Variants in KIF17 observed in about 807,000 individuals in gnomAD.
The protein encoded by KIF17 is kinesin-like protein KIF17.
Under a neutral mutation model 96.8 loss-of-function variants are expected in KIF17, and 80 were observed. That is an observed-to-expected ratio of 0.83 (90% confidence interval 0.69 to 1.00). The LOEUF is 1.00. KIF17 is among the 50% of genes least tolerant of loss of function. The pLI is 0.00. For missense variants in KIF17, 1,280 were observed against 1,372.9 expected, an observed-to-expected ratio of 0.93 and a Z score of 1.07; for synonymous variants, 567 against 587.5, an observed-to-expected ratio of 0.97 and a Z score of 0.51.
intron 11 of KIF17, among the ~76,000 whole-genome samples, chr1:20,677,695 A>T (rs1212638310): frequency 6.6e-6 from 1 of 152,120 alleles, no homozygotes; most frequent in Non-Finnish European, 1.5e-5. Context: ...CTCTACTAAA[A>T]AATACAAAAA....
chr1:20,679,242 G>A lies in KIF17; in HGVS notation c.2463+3411C>T, dbSNP rs144569659. Reference sequence around the variant, plus strand: ...ATCGTTTGAGCCTGGGACAGCCAGCGTAACACAGCAAGACCCCCAGGAGTT... The same window carrying A: ...ATCGTTTGAGCCTGGGACAGCCAGCATAACACAGCAAGACCCCCAGGAGTT... On this transcript the variant is annotated intron_variant, in intron 11 of 14. Coordinates refer to ENST00000400463, the MANE Select transcript of KIF17 (RefSeq NM_001122819.3). 8.0e-3 allele frequency among the ~76,000 whole-genome samples: 1,213 copies of A among 152,080 alleles called. 4 individuals carry two copies. Among genetic ancestry groups the A allele is most frequent in the African/African-American group, 0.018 (741 of 41,466 alleles).
chr1:20,712,863 T>TATAA (rs1306438961), intron 3 of KIF17, among the ~76,000 whole-genome samples: 1 of 38,050 alleles, frequency 2.6e-5, no homozygotes, highest in East Asian at 4.7e-4. Flanking sequence ...ATTATCTATA[T>TATAA]TATAGATATT....
chr1:20,703,463 GATGGGAGGATGGATA>G, intron 5 of KIF17, among the ~76,000 whole-genome samples: 1 of 147,352 alleles, frequency 6.8e-6, no homozygotes, highest in African/African-American at 2.6e-5. Context: ...GAGATGGGTA[GATGGGAGGATGGATA>G]GATGGATAGA....
At chr1:20,698,297 G>A in intron 6 of KIF17, 82 bp downstream of exon 6, 1 of 928,468 alleles carries the variant, frequency 1.1e-6, no homozygotes, top group Non-Finnish European at 1.8e-6. Flanking sequence ...ATATCGCGTT[G>A]GACCCCAGCG....
chr1:20,665,845 G>T (rs2053516866), intron 14 of KIF17, among the ~76,000 whole-genome samples: 1 of 152,232 alleles, frequency 6.6e-6, no homozygotes, highest in Non-Finnish European at 1.5e-5. Flanking sequence ...ATCTGCATTT[G>T]GAGGAAGTCA....
At chr1:20,683,029 C>T in intron 10 of KIF17, 145 bp from the exon 11 acceptor site, 1 of 675,830 alleles carries the variant, frequency 1.5e-6, no homozygotes, top group Non-Finnish European at 2.5e-6. Flanking sequence ...GGCTCGGCGA[C>T]AGGACGCTGC....
At position 20,717,559 on chromosome 1, in the gene KIF17, TGGGC is replaced by T; in HGVS notation, c.144_147del (p.Pro49SerfsTer112). ...TAGGCGCCGTCGAAGGTGAACTGCT[TGGGC>T]GGCTCGTCGGCGGCGCCCGGGTTCT... On this transcript the variant is annotated frameshift_variant, in exon 1 of 15. Transcript: ENST00000400463. LOFTEE classifies it high-confidence loss of function. The T allele has an allele frequency of 6.2e-7, 1 of 1,611,562 alleles. No individual in the cohort carries two copies. The highest frequency in any genetic ancestry group is 1.1e-5 in the South Asian group (1 of 90,984).
Position 20,712,906 on chromosome 1 carries a change from TTA to T in KIF17, c.480+546_480+547del, listed in dbSNP as rs1241221637. Among the ~76,000 whole-genome samples, 109 of 104,060 alleles carry T rather than the reference TTA, an allele frequency of 1.0e-3. 2 individuals are homozygous for T. Among genetic ancestry groups the T allele is most frequent in the Middle Eastern group, 4.1e-3 (1 of 242 alleles). 68.3% of individuals were successfully genotyped at this position (104,060 alleles called of 152,430 possible). A position where few individuals can be genotyped will look rare whatever the true frequency, so the allele number is the denominator to read the frequency against. On this transcript the variant is annotated intron_variant, in intron 3 of 14. Transcript: ENST00000400463. ...TATAATATAGATAATATTATCTATA[TTA>T]TATATATAATATATCTATATTATCT... is the stretch of plus-strand genomic sequence containing the variant.
chr1:20,686,228 C>T (rs1003238983), intron 8 of KIF17, 102 bp from the exon 9 acceptor site: 12 of 912,746 alleles, frequency 1.3e-5, no homozygotes, highest in Middle Eastern at 6.1e-4. Context: ...CAAGGCCTCC[C>T]ACCACCCCCC....
chr1:20,672,021 A>G lies in KIF17; in HGVS notation c.2639T>C (p.Ile880Thr). ...TTCGTCCCAGCAGGACTCACGCAGA[A>G]TCTTCTCCAGGTTGCTGTAGTTACA... ...RDCNYSNLEK[I>T]LRESCWDEDN... The change falls in exon 12 of 15, where the codon ATT becomes ACT. Residue 880 changes from isoleucine to threonine, a missense_variant. Transcript: ENST00000400463. The surrounding 1 kb of genome is among the most constrained non-coding windows in gnomAD (Gnocchi z 4.3). The G allele has an allele frequency of 2.5e-6, 4 of 1,614,158 alleles. No individual in the cohort carries two copies. The highest frequency in any genetic ancestry group is 3.4e-6 in the Non-Finnish European group (4 of 1,180,046).
Position 20,665,162 on chromosome 1 carries a change from CCCG to C in KIF17, c.2909-403_2909-401del, listed in dbSNP as rs2053502554. The stretch of plus-strand genomic sequence containing the variant: ...CAGGCACTCAATTAATCCTATTCCC[CCCG>C]CCCCACCCATTCTGTCTCTTAAATA... On this transcript the variant is annotated intron_variant, in intron 14 of 14. Coordinates refer to ENST00000400463, the MANE Select transcript of KIF17 (RefSeq NM_001122819.3). Among the ~76,000 whole-genome samples, 4 of 100,884 alleles carry C rather than the reference CCCG, an allele frequency of 4.0e-5. 1 individual carries two copies. Among genetic ancestry groups the C allele is most frequent in the African/African-American group, 1.7e-4 (4 of 23,364 alleles). The allele number at this position is 100,884 out of a possible 152,430, so 66.2% of individuals were successfully genotyped here.
Position 20,690,345 on chromosome 1 carries a change from TGGGA to T in KIF17, c.1234-14_1234-11del. 90 of 241,978 alleles carry T rather than the reference TGGGA, an allele frequency of 3.7e-4. No individual in the cohort carries two copies. Among genetic ancestry groups the T allele is most frequent in the Non-Finnish European group, 5.2e-4 (70 of 135,860 alleles). 15.0% of individuals were successfully genotyped at this position (241,978 alleles called of 1,614,324 possible). On this transcript the variant is annotated splice_polypyrimidine_tract_variant and intron_variant, in intron 6 of 14. Coordinates refer to ENST00000400463, the MANE Select transcript of KIF17 (RefSeq NM_001122819.3). The stretch of plus-strand genomic sequence containing the variant: ...GGCGCTCTTCATACTCCTGGGGGGG[TGGGA>T]GGGACCAGAGGGCAGGCAGCATTTT...
At chr1:20,711,865 C>T (rs1469046307) in intron 3 of KIF17, among the ~76,000 whole-genome samples, 1 of 152,054 alleles carries the variant, frequency 6.6e-6, no homozygotes, top group Non-Finnish European at 1.5e-5. Context: ...GTTGGTCTTA[C>T]TTAGGCACAT....
At chr1:20,717,301 A>C in intron 1 of KIF17, 175 bp downstream of exon 1, 1 of 664,204 alleles carries the variant, frequency 1.5e-6, no homozygotes, top group Non-Finnish European at 2.5e-6. Flanking sequence ...GCGACATTAG[A>C]GGCAGGCTCT....
chr1:20,695,291 G>A (rs554851273), intron 6 of KIF17, among the ~76,000 whole-genome samples: 56 of 152,154 alleles, frequency 3.7e-4, no homozygotes, highest in Non-Finnish European at 5.7e-4. Flanking sequence ...GGGTTCAACC[G>A]ATTCTCCTGC....
chr1:20,676,814 G>C (rs2053746687), intron 11 of KIF17, among the ~76,000 whole-genome samples: 1 of 152,104 alleles, frequency 6.6e-6, no homozygotes, highest in Non-Finnish European at 1.5e-5. Context: ...CTGGGCAAAA[G>C]AACGAAACTC....
rs2053486187 is a variant in KIF17 at position 20,664,351 on chromosome 1, C to G, written c.*233G>C. 2 of 1,426,344 alleles carry G rather than the reference C, an allele frequency of 1.4e-6. No individual in the cohort carries two copies. The allele number at this position is 1,426,344 out of a possible 1,614,324, so 88.4% of individuals were successfully genotyped here. On this transcript the variant is annotated 3_prime_UTR_variant, in exon 15 of 15. Coordinates refer to ENST00000400463, the MANE Select transcript of KIF17 (RefSeq NM_001122819.3). ...GACGGAAACACTGATGTGGTATGAA[C>G]AGCTGGAGCAGGCCTCTCTAAGGAG...
At position 20,687,026 on chromosome 1, in the gene KIF17, G is replaced by A. The variant is rs968202263; in HGVS notation, c.1938+362C>T. Among the ~76,000 whole-genome samples the A allele has an allele frequency of 3.3e-5, 5 of 152,158 alleles. No individual in the cohort carries two copies. Among genetic ancestry groups the A allele is most frequent in the African/African-American group, 1.2e-4 (5 of 41,434 alleles). On this transcript the variant is annotated intron_variant, in intron 8 of 14. Transcript: ENST00000400463. The surrounding 1 kb of genome is among the most constrained non-coding windows in gnomAD (Gnocchi z 4.4). ...AGCTCACTACAGAGCTCACGAGCCA[G>A]TGAGCGTCGCCCAGGGCTCCGTCAG...
intron 5 of KIF17, among the ~76,000 whole-genome samples, chr1:20,702,976 G>A (rs971739414): frequency 2.6e-5 from 4 of 152,172 alleles, no homozygotes; most frequent in Non-Finnish European, 5.9e-5. Context: ...AGCAGCTCAG[G>A]GAACCTTCAG....
Sources: allele counts gnomAD v4.1 joint callset (sites outside exome capture counted in the v4.1 genomes callset), GRCh38; gene constraint gnomAD v4.1.1; non-coding constraint Gnocchi (gnomAD v3.1); transcripts MANE v1.5; gene names NCBI Gene and HGNC (gene_info 2026-07-23, HGNC 2026-07-21).